The following SNTA1 variants were observed in gnomAD, a reference collection of about 807,000 sequenced individuals.
The protein encoded by SNTA1 is syntrophin alpha 1, also known as alpha-1-syntrophin.
In SNTA1, 31 loss-of-function variants were observed where a neutral mutation model predicts 47.1. The observed-to-expected ratio is 0.66, with a 90% CI of 0.49 to 0.89. The LOEUF (loss-of-function observed/expected upper bound fraction) is 0.89, where lower values mean the gene tolerates loss of function less well. Ranked by LOEUF, SNTA1 falls within the 40% of genes least tolerant of loss-of-function variation. The pLI, the probability that SNTA1 is intolerant of heterozygous loss-of-function variation, is 0.00. For missense variants in SNTA1, 575 were observed against 693.0 expected, an observed-to-expected ratio of 0.83 and a Z score of 1.91; for synonymous variants, 300 against 313.6, an observed-to-expected ratio of 0.96 and a Z score of 0.46.
chr20:33,426,686 C>T (rs1012101603), intron 2 of SNTA1, among the ~76,000 whole-genome samples: 1 of 151,490 alleles, frequency 6.6e-6, no homozygotes, highest in Non-Finnish European at 1.5e-5. Flanking sequence ...CACTTGAACC[C>T]GGGAGGCAGA....
chr20:33,411,093 T>TAGA (rs1989729884), intron 5 of SNTA1, among the ~76,000 whole-genome samples: 1 of 152,068 alleles, frequency 6.6e-6, no homozygotes, highest in Non-Finnish European at 1.5e-5. Context: ...TGCCCCTCTC[T>TAGA]GGGGCAGAAA....
intron 2 of SNTA1, among the ~76,000 whole-genome samples, chr20:33,418,639 A>G (rs1336621753): frequency 1.3e-5 from 2 of 151,646 alleles, no homozygotes; most frequent in African/African-American, 4.8e-5. Flanking sequence ...CTGAAAATAC[A>G]AAAGCTAGCC....
intron 5 of SNTA1, among the ~76,000 whole-genome samples, chr20:33,410,693 C>A (rs1167513657): frequency 6.6e-6 from 1 of 152,182 alleles, no homozygotes; most frequent in Non-Finnish European, 1.5e-5. Flanking sequence ...CTTCCCTGAC[C>A]TCCCAGTCCA....
intron 3 of SNTA1, among the ~76,000 whole-genome samples, chr20:33,417,262 T>C (rs1472760191): frequency 6.6e-6 from 1 of 152,128 alleles, no homozygotes; most frequent in African/African-American, 2.4e-5. Flanking sequence ...TGTTAGGTGG[T>C]TTCAGTATTA....
At chr20:33,439,726 T>G (rs1222621499) in intron 1 of SNTA1, among the ~76,000 whole-genome samples, 1 of 152,236 alleles carries the variant, frequency 6.6e-6, no homozygotes, top group African/African-American at 2.4e-5. Context: ...GGCTCACACC[T>G]GTAATCCCAA....
chr20:33,438,169 G>T (rs543098551), intron 2 of SNTA1, among the ~76,000 whole-genome samples: 2 of 152,222 alleles, frequency 1.3e-5, no homozygotes, highest in South Asian at 2.1e-4. Context: ...GCATGGTGAC[G>T]CACACCTGTA....
At chr20:33,429,645 A>G (rs1045203180) in intron 2 of SNTA1, among the ~76,000 whole-genome samples, 1 of 152,108 alleles carries the variant, frequency 6.6e-6, no homozygotes, top group African/African-American at 2.4e-5. Context: ...AAACAAAAAC[A>G]AAAACAAAAA....
chr20:33,429,482 T>C (rs948667455), intron 2 of SNTA1, among the ~76,000 whole-genome samples: 2 of 150,492 alleles, frequency 1.3e-5, no homozygotes, highest in Non-Finnish European at 3.0e-5. Flanking sequence ...ATACAAAAAT[T>C]AGCCAGATGT....
intron 2 of SNTA1, among the ~76,000 whole-genome samples, chr20:33,436,256 G>A (rs930371284): frequency 1.3e-5 from 2 of 152,124 alleles, no homozygotes; most frequent in Non-Finnish European, 2.9e-5. Context: ...CCGTGTGAAT[G>A]TGGATTTGAA....
chr20:33,414,245 C>CAAAAAAAAAAAAAAAAAAAAAAAAA (rs56186098), intron 3 of SNTA1, among the ~76,000 whole-genome samples: 12 of 29,254 alleles, frequency 4.1e-4, no homozygotes, highest in African/African-American at 6.0e-4. Flanking sequence ...TCTCAAAAAC[C>CAAAAAAAAAAAAAAAAAAAAAAAAA]AAAAAAAAAA....
At chr20:33,430,367 C>T (rs1990275555) in intron 2 of SNTA1, among the ~76,000 whole-genome samples, 1 of 149,028 alleles carries the variant, frequency 6.7e-6, no homozygotes, top group Non-Finnish European at 1.5e-5. Context: ...CAGCTCACTG[C>T]AACCTCCACC....
At chr20:33,414,218 A>C (rs1398912675) in intron 3 of SNTA1, among the ~76,000 whole-genome samples, 2 of 150,248 alleles carry the variant, frequency 1.3e-5, no homozygotes, top group African/African-American at 4.9e-5. Flanking sequence ...AGCCTGGGCA[A>C]CAAAAGCGAA....
At chr20:33,438,761 C>T in intron 2 of SNTA1, 80 bp downstream of exon 2, 1 of 1,236,756 alleles carries the variant, frequency 8.1e-7, no homozygotes, top group Non-Finnish European at 1.2e-6. Flanking sequence ...GGGATGGGGC[C>T]TTCTGAGGCC....
At chr20:33,424,768 C>T (rs553074625) in intron 2 of SNTA1, among the ~76,000 whole-genome samples, 1 of 151,306 alleles carries the variant, frequency 6.6e-6, no homozygotes, top group East Asian at 2.0e-4. Context: ...CCCATCTCAA[C>T]CTCCAATGTG....
At position 33,417,710 on chromosome 20, in the gene SNTA1, C is replaced by G; in HGVS notation, c.701+9G>C. On this transcript the variant is annotated intron_variant, in intron 3 of 7. Transcript: ENST00000217381. ...TGTCCATCTGAGTTGCTCCCAACCC[C>G]AGCCTTACCTGGGCTCCGGGTCATT... The G allele has an allele frequency of 6.2e-7, 1 of 1,611,488 alleles. No homozygotes were observed. Among genetic ancestry groups the G allele is most frequent in the Non-Finnish European group, 8.5e-7 (1 of 1,177,666 alleles).
At chr20:33,414,527 G>A (rs1989828674) in intron 3 of SNTA1, among the ~76,000 whole-genome samples, 1 of 152,076 alleles carries the variant, frequency 6.6e-6, no homozygotes. Context: ...CTGGGAAGCA[G>A]AGGTTGCAGT....
At chr20:33,418,429 T>C (rs1461762876) in intron 2 of SNTA1, among the ~76,000 whole-genome samples, 1 of 152,000 alleles carries the variant, frequency 6.6e-6, no homozygotes, top group Non-Finnish European at 1.5e-5. Context: ...TATTAATTTT[T>C]TGTAGAGATG....
Position 33,408,494 on chromosome 20 carries a change from C to T in SNTA1, c.*13G>A. The stretch of plus-strand genomic sequence containing the variant: ...TGGACACCCCTCTTCAGGGCTAGTG[C>T]ATCCGGCGACTTCTAGGCCAACAGC... On this transcript the variant is annotated 3_prime_UTR_variant, in exon 8 of 8. Transcript: ENST00000217381. 1 of 1,593,938 alleles carries T rather than the reference C, an allele frequency of 6.3e-7. No homozygotes were observed. Among genetic ancestry groups the T allele is most frequent in the East Asian group, 2.2e-5 (1 of 44,762 alleles).
At chr20:33,432,775 C>T (rs1489412115) in intron 2 of SNTA1, among the ~76,000 whole-genome samples, 1 of 152,100 alleles carries the variant, frequency 6.6e-6, no homozygotes, top group African/African-American at 2.4e-5. Flanking sequence ...ATAGGAGGAT[C>T]GCTTGAGCCC....
Sources: allele counts gnomAD v4.1 joint callset (sites outside exome capture counted in the v4.1 genomes callset), GRCh38; gene constraint gnomAD v4.1.1; transcripts MANE v1.5; gene names NCBI Gene and HGNC (gene_info 2026-07-23, HGNC 2026-07-21).